FLNC: variants seen among roughly 807,000 people sequenced by gnomAD.
The protein encoded by FLNC is filamin C, also known as filamin-C.
FLNC carries 91 observed loss-of-function variants against 254.3 expected under a neutral mutation model. The ratio of observed to expected loss-of-function variants is 0.36; its 90% CI spans 0.30 to 0.43. FLNC has a LOEUF of 0.43. Among genes scored for constraint, FLNC ranks in the 20% least tolerant of loss-of-function variants. The pLI is 1.00. For synonymous variants in FLNC, 1,430 were observed against 1,577.2 expected (o/e 0.91, Z 2.21); for missense variants, 2,853 against 3,802.6 (o/e 0.75, Z 6.57).
intron 8 of FLNC, 96 bp downstream of exon 8, chr7:128,838,899 C>G (rs2128934565): frequency 8.6e-7 from 1 of 1,159,738 alleles, no homozygotes; most frequent in Middle Eastern, 2.8e-4. Flanking sequence ...CTGCAGAGAC[C>G]CCCTCCCTGA....
chr7:128,845,451 T>C (rs1340540574), intron 21 of FLNC, among the ~76,000 whole-genome samples, 196 bp downstream of exon 21: 2 of 151,916 alleles, frequency 1.3e-5, no homozygotes, highest in Non-Finnish European at 2.9e-5. Context: ...GGGTGGAGAT[T>C]GGCCTCTGCT....
At position 128,848,722 on chromosome 7, in the gene FLNC, GTC is replaced by G. The variant is rs794727437; in HGVS notation, c.4737+9_4737+10del. The G allele has an allele frequency of 2.7e-3, 4,436 of 1,613,844 alleles. 75 individuals carry two copies. The South Asian group carries it at 0.028, about 10-fold the overall frequency. The stretch of plus-strand genomic sequence containing the variant: ...TTGCTCACTGTCCAGATCTTGGTGA[GTC>G]TCTGTGCATCCCACCCCGCAGGTCA... On this transcript the variant is annotated splice_donor_region_variant and intron_variant, in intron 27 of 47. Coordinates refer to ENST00000325888, the MANE Select transcript of FLNC (RefSeq NM_001458.5).
At position 128,844,901 on chromosome 7, in the gene FLNC, A is replaced by C; in HGVS notation, c.3436A>C (p.Lys1146Gln). 1.2e-6 allele frequency: 2 copies of C among 1,613,942 alleles called. No homozygotes were observed. Among genetic ancestry groups the C allele is most frequent in the South Asian group, 2.2e-5 (2 of 91,086 alleles). ...GGCCCACATCCCTGGCTCGCCCTTC[A>C]AAGCCACCATTCGGCCTGTGTTTGA... ...AEAHIPGSPF[K>Q]ATIRPVFDPS... Residue 1146 changes from lysine to glutamine, a missense_variant, in exon 21 of 48, where the codon AAA becomes CAA. This residue lies in a region of FLNC where 1,573 missense variants were observed against 1,883.5 expected (regional missense o/e 0.84). Coordinates refer to ENST00000325888, the MANE Select transcript of FLNC (RefSeq NM_001458.5).
chr7:128,845,246 G>C lies in FLNC; in HGVS notation c.3781G>C (p.Glu1261Gln), dbSNP rs747033771. Residue 1261 changes from glutamate (E) to glutamine (Q), a missense_variant, in exon 21 of 48, where the codon GAG becomes CAG. Coordinates refer to ENST00000325888, the MANE Select transcript of FLNC (RefSeq NM_001458.5). The part of the protein sequence containing the change: ...SGVKVSGPGV[E>Q]PHGVLREVTT... ...CGTCAAGGTCTCAGGGCCTGGTGTT[G>C]AGCCACACGGTGAGTGGACAGGAGG... The C allele has an allele frequency of 6.2e-7, 1 of 1,613,200 alleles. No homozygotes were observed. The highest frequency in any genetic ancestry group is 8.5e-7 in the Non-Finnish European group (1 of 1,179,704).
Position 128,837,210 on chromosome 7 carries a change from G to A in FLNC, c.652G>A (p.Ala218Thr), listed in dbSNP as rs777415462. The A allele has an allele frequency of 6.2e-6, 10 of 1,601,864 alleles. No homozygotes were observed. The highest frequency in any genetic ancestry group is 1.7e-4 in the Middle Eastern group (1 of 6,006). ...AWDPNQPVEN[A>T]REAMQQADDW... ...GGACCCCAACCAGCCCGTGGAGAAC[G>A]CCCGGGAGGCCATGCAGCAGGCCGA... The change falls in exon 3 of 48, where the codon GCC becomes ACC. Residue 218 changes from alanine (A) to threonine (T), a missense_variant. By Grantham distance (58) the Ala-to-Thr change is moderately conservative. Transcript: ENST00000325888.
At chr7:128,843,114 T>G in intron 16 of FLNC, 115 bp from the exon 17 acceptor site, 1 of 1,364,732 alleles carries the variant, frequency 7.3e-7, no homozygotes, top group Non-Finnish European at 1.0e-6. Flanking sequence ...GGGGGCCCTT[T>G]TGGAGGCTGC....
intron 31 of FLNC, 140 bp downstream of exon 31, chr7:128,850,214 AC>A: frequency 1.1e-6 from 1 of 928,336 alleles, no homozygotes. Flanking sequence ...GGCAGATGGA[AC>A]CCCACTTGGG....
At position 128,848,042 on chromosome 7, in the gene FLNC, G is replaced by A. The variant is rs1242041483; in HGVS notation, c.4554G>A (p.Lys1518=). ...ATDGPYTVAV[K]YADQEVPRSP... ...ACGGGCCCTACACGGTAGCCGTCAA[G>A]TATGCTGACCAGGAGGTGCCACGCA... is the stretch of plus-strand genomic sequence containing the variant. The change falls in exon 26 of 48, where the codon AAG becomes AAA. Residue 1518 remains lysine (K), a synonymous_variant. Transcript: ENST00000325888. The A allele has an allele frequency of 2.5e-6, 4 of 1,606,634 alleles. No individual in the cohort carries two copies. The highest frequency in any genetic ancestry group is 1.7e-5 in the Admixed American group (1 of 59,082).
intron 23 of FLNC, 125 bp downstream of exon 23, chr7:128,846,588 G>A: frequency 7.1e-7 from 1 of 1,417,050 alleles, no homozygotes; most frequent in Non-Finnish European, 9.8e-7. Flanking sequence ...GGCAGGAGCA[G>A]ACCCCCTCCA....
At position 128,830,685 on chromosome 7, in the gene FLNC, T is replaced by C; in HGVS notation, c.48T>C (p.Asp16=). 6.2e-7 allele frequency: 1 copy of C among 1,612,786 alleles called. No homozygotes were observed. The highest frequency in any genetic ancestry group is 8.5e-7 in the Non-Finnish European group (1 of 1,179,962). Residue 16 remains aspartate, a synonymous_variant, in exon 1 of 48, where the codon GAT becomes GAC. Coordinates refer to ENST00000325888, the MANE Select transcript of FLNC (RefSeq NM_001458.5). ...CAGACGCCGGCCTCGGCCTGGGCGATGAGACAGACGAGATGCCGTCCACGG... is the reference window on the plus strand; with the variant it reads ...CAGACGCCGGCCTCGGCCTGGGCGACGAGACAGACGAGATGCCGTCCACGG... ...GYSDAGLGLG[D]ETDEMPSTEK... is the part of the protein sequence containing the mutation.
chr7:128,846,778 C>T lies in FLNC; in HGVS notation c.4161C>T (p.Ile1387=), dbSNP rs200288149. Residue 1387 remains isoleucine (I), a synonymous_variant, in exon 24 of 48, where the codon ATC becomes ATT. Transcript: ENST00000325888. ...GAGTGGLGLA[I]EGPSEAKMSC... ...GCACCGGGGGCCTTGGCCTAGCCAT[C>T]GAGGGTCCCTCGGAAGCCAAGATGT... 3,010 of 1,614,134 alleles carry T rather than the reference C, an allele frequency of 1.9e-3. 70 individuals carry two copies. In the South Asian group the frequency reaches 0.03, roughly 16 times the overall value.
Position 128,856,730 on chromosome 7 carries a change from A to C in FLNC, c.7385-15A>C, listed in dbSNP as rs1334542577. 24 of 1,613,908 alleles carry C rather than the reference A, an allele frequency of 1.5e-5. No homozygotes were observed. Among genetic ancestry groups the C allele is most frequent in the Non-Finnish European group, 2.0e-5 (24 of 1,180,008 alleles). The stretch of plus-strand genomic sequence containing the variant: ...GGGAAGGATGGAGGCTAAGCCACCA[A>C]CCCTTTATCCACAGACAAGCACACC... On this transcript the variant is annotated splice_polypyrimidine_tract_variant and intron_variant, in intron 44 of 47. Coordinates refer to ENST00000325888, the MANE Select transcript of FLNC (RefSeq NM_001458.5). The surrounding 1 kb of genome is among the most constrained non-coding windows in gnomAD (Gnocchi z 5.9).
rs1406201388 is a variant in FLNC at position 128,855,418 on chromosome 7, A to C, written c.7251+104A>C. ...CCAGGGATTTAGCAGTGACCTTGGA[A>C]GGGCCAGTTAGGAGTCCCTTCTCAT... On this transcript the variant is annotated intron_variant, in intron 43 of 47. Coordinates refer to ENST00000325888, the MANE Select transcript of FLNC (RefSeq NM_001458.5). 8 of 773,158 alleles carry C rather than the reference A, an allele frequency of 1.0e-5. No individual in the cohort carries two copies. The East Asian group carries it at 1.8e-4, about 18-fold the overall frequency. 47.9% of individuals were successfully genotyped at this position (773,158 alleles called of 1,614,324 possible).
chr7:128,838,077 A>G lies in FLNC; in HGVS notation c.1047+13A>G. On this transcript the variant is annotated intron_variant, in intron 6 of 47. Coordinates refer to ENST00000325888, the MANE Select transcript of FLNC (RefSeq NM_001458.5). ...TGGGTTACACAAGGTATCTCCCTCTAGGCCCCCCTGCCTGCGCTGCTCTTC... is the reference window on the plus strand; with the variant it reads ...TGGGTTACACAAGGTATCTCCCTCTGGGCCCCCCTGCCTGCGCTGCTCTTC... The G allele has an allele frequency of 1.2e-6, 2 of 1,608,152 alleles. No individual in the cohort carries two copies. The highest frequency in any genetic ancestry group is 1.7e-6 in the Non-Finnish European group (2 of 1,174,980).
At chr7:128,833,524 G>A (rs1807974092) in intron 1 of FLNC, among the ~76,000 whole-genome samples, 1 of 152,172 alleles carries the variant, frequency 6.6e-6, no homozygotes, top group African/African-American at 2.4e-5. Flanking sequence ...CCTGCCCCAA[G>A]CCTGGACCAC....
chr7:128,832,572 GCA>G (rs962117051), intron 1 of FLNC, among the ~76,000 whole-genome samples: 1 of 152,230 alleles, frequency 6.6e-6, no homozygotes, highest in African/African-American at 2.4e-5. Context: ...TCCTTCCTGA[GCA>G]CACCTCTCCC....
Position 128,851,644 on chromosome 7 carries a change from G to A in FLNC, c.5842+16G>A, listed in dbSNP as rs1444286426. Reference sequence around the variant, plus strand: ...AAGATCACAGGTGAGGCGGGTGTATGGGCATGTACAGCCCATGAGGCACAC... The same window carrying A: ...AAGATCACAGGTGAGGCGGGTGTATAGGCATGTACAGCCCATGAGGCACAC... On this transcript the variant is annotated intron_variant, in intron 35 of 47. Coordinates refer to ENST00000325888, the MANE Select transcript of FLNC (RefSeq NM_001458.5). 6.2e-7 allele frequency: 1 copy of A among 1,613,050 alleles called. No individual in the cohort carries two copies. The highest frequency in any genetic ancestry group is 2.2e-5 in the East Asian group (1 of 44,896).
In FLNC at chr7:128,830,483, C is replaced by G; in HGVS notation, c.-155C>G. The G allele has an allele frequency of 6.0e-6, 4 of 661,462 alleles. No individual in the cohort carries two copies. The South Asian group carries it at 7.6e-5, about 13-fold the overall frequency. The allele number at this position is 661,462 out of a possible 1,614,324, so 41.0% of individuals were successfully genotyped here. ...CCGAGCGCCTAGGAGGCCCGCCGAG[C>G]CTCGCCGAGCCCCGCCAGCCCCGGC... is the stretch of plus-strand genomic sequence containing the variant. On this transcript the variant is annotated 5_prime_UTR_variant, in exon 1 of 48. Coordinates refer to ENST00000325888, the MANE Select transcript of FLNC (RefSeq NM_001458.5).
chr7:128,843,064 G>A lies in FLNC; in HGVS notation c.2550+110G>A, dbSNP rs948149483. The A allele has an allele frequency of 1.1e-5, 16 of 1,452,790 alleles. No homozygotes were observed. In the East Asian group the frequency reaches 3.8e-4, roughly 35 times the overall value. The allele number at this position is 1,452,790 out of a possible 1,614,324, so 90.0% of individuals were successfully genotyped here. A position where few individuals can be genotyped will look rare whatever the true frequency, so the allele number is the denominator to read the frequency against. ...GGGATGATTCCGCAGACATGGTGGA[G>A]CCCTACCTGTGTGAGGCAGGGTGCC... On this transcript the variant is annotated intron_variant, in intron 16 of 47. Transcript: ENST00000325888.
Sources: gnomAD v4.1 joint callset for allele counts (sites outside exome capture counted in the v4.1 genomes callset) on GRCh38, gnomAD v4.1.1 for gene constraint, gnomAD v4.1.1 regional missense constraint, Gnocchi (gnomAD v3.1) non-coding constraint, MANE v1.5 for transcripts, NCBI Gene and HGNC (gene_info 2026-07-23, HGNC 2026-07-21) for gene names.